FHIT: variants seen among roughly 807,000 people sequenced by gnomAD.
FHIT encodes bis(5'-adenosyl)-triphosphatase.
A neutral mutation model predicts 17.9 loss-of-function variants in FHIT; 19 were observed. The ratio of observed to expected loss-of-function variants is 1.06; its 90% CI spans 0.74 to 1.56. The LOEUF (loss-of-function observed/expected upper bound fraction) is 1.56, where lower values mean the gene tolerates loss of function less well. FHIT is among the 40% of genes most tolerant of loss of function. The pLI is 0.00. For synonymous variants in FHIT, 81 were observed against 69.7 expected (o/e 1.16, Z -0.81); for missense variants, 248 against 189.2 (o/e 1.31, Z -1.82).
chr3:60,142,017 A>T (rs1700057080), intron 5 of FHIT, among the ~76,000 whole-genome samples: 3 of 152,162 alleles, frequency 2.0e-5, no homozygotes, highest in Admixed American at 2.0e-4. Context: ...ACATGGGGGG[A>T]TAAAAAAGAA....
chr3:60,997,314 A>G (rs373934698), intron 3 of FHIT, among the ~76,000 whole-genome samples: 15 of 152,314 alleles, frequency 9.8e-5, no homozygotes, highest in African/African-American at 3.6e-4. Flanking sequence ...AGAGAAAGGT[A>G]AAGTGCTGGT....
At chr3:60,633,733 AAC>A (rs1197204658) in intron 4 of FHIT, among the ~76,000 whole-genome samples, 1 of 152,198 alleles carries the variant, frequency 6.6e-6, no homozygotes, top group Non-Finnish European at 1.5e-5. Context: ...CCTCCCCAGG[AAC>A]ACAGTTAGGC....
intron 5 of FHIT, among the ~76,000 whole-genome samples, chr3:60,346,455 G>C (rs1053644295): frequency 6.6e-6 from 1 of 152,158 alleles, no homozygotes; most frequent in African/African-American, 2.4e-5. Context: ...GAGGGAAGTG[G>C]GTGGAGCCAC....
chr3:60,213,791 C>T (rs1328349412), intron 5 of FHIT, among the ~76,000 whole-genome samples: 1 of 152,102 alleles, frequency 6.6e-6, no homozygotes, highest in Non-Finnish European at 1.5e-5. Context: ...TTGTGATCAC[C>T]TAATTAGCAG....
At chr3:59,782,067 T>C (rs753907899) in intron 8 of FHIT, among the ~76,000 whole-genome samples, 10 of 152,198 alleles carry the variant, frequency 6.6e-5, no homozygotes, top group Non-Finnish European at 1.5e-4. Context: ...TTCCAATTTA[T>C]AGTGAAGAAC....
At chr3:59,922,185 G>A (rs1250937673) in intron 8 of FHIT, among the ~76,000 whole-genome samples, 161 bp downstream of exon 8, 2 of 152,070 alleles carry the variant, frequency 1.3e-5, no homozygotes, top group Non-Finnish European at 2.9e-5. Flanking sequence ...TTCCCACGAT[G>A]GCCATTCTTG....
chr3:60,748,218 T>G lies in FHIT; in HGVS notation c.-18+73701A>C, dbSNP rs1056709524. Reference sequence around the variant, plus strand: ...GAAGGAAGTTTGCAGGCAAGGTAATTCTGTTGGGGACAAAAAAACTTTTCC... The same window carrying G: ...GAAGGAAGTTTGCAGGCAAGGTAATGCTGTTGGGGACAAAAAAACTTTTCC... On this transcript the variant is annotated intron_variant, in intron 4 of 9. Transcript: ENST00000492590. Among the ~76,000 whole-genome samples the G allele has an allele frequency of 2.0e-5, 3 of 152,270 alleles. No individual in the cohort carries two copies. The East Asian group carries it at 5.8e-4, about 29-fold the overall frequency.
chr3:60,123,991 T>A (rs1225011781), intron 5 of FHIT, among the ~76,000 whole-genome samples: 1 of 48,702 alleles, frequency 2.1e-5, no homozygotes, highest in Admixed American at 2.4e-4. Context: ...TATATATATA[T>A]ATATATATAT....
At chr3:60,418,367 T>A (rs1702328268) in intron 5 of FHIT, among the ~76,000 whole-genome samples, 1 of 64,866 alleles carries the variant, frequency 1.5e-5, no homozygotes, top group Non-Finnish European at 3.8e-5. Flanking sequence ...TATATGTATC[T>A]GAATGTGTGT....
At chr3:60,602,887 A>G (rs1425027780) in intron 4 of FHIT, among the ~76,000 whole-genome samples, 1 of 152,124 alleles carries the variant, frequency 6.6e-6, no homozygotes, top group Admixed American at 6.6e-5. Flanking sequence ...AGAAAGTACC[A>G]TCTACTCATG....
At chr3:60,243,893 A>G (rs1227681585) in intron 5 of FHIT, among the ~76,000 whole-genome samples, 1 of 152,122 alleles carries the variant, frequency 6.6e-6, no homozygotes, top group African/African-American at 2.4e-5. Context: ...TCTCTAAATT[A>G]TGTTCTGTAA....
chr3:60,353,537 G>A (rs982459458), intron 5 of FHIT, among the ~76,000 whole-genome samples: 2 of 152,038 alleles, frequency 1.3e-5, no homozygotes, highest in South Asian at 4.2e-4. Context: ...ACTCTTCTTT[G>A]TCTAATCAAT....
At chr3:59,984,537 T>C (rs184124349) in intron 7 of FHIT, among the ~76,000 whole-genome samples, 4 of 152,058 alleles carry the variant, frequency 2.6e-5, no homozygotes, top group Admixed American at 2.6e-4. Flanking sequence ...CCTGACACTT[T>C]AGGCCTACAC....
At chr3:60,759,858 A>G (rs919763438) in intron 4 of FHIT, among the ~76,000 whole-genome samples, 7 of 152,290 alleles carry the variant, frequency 4.6e-5, no homozygotes, top group Middle Eastern at 3.4e-3. Context: ...TTTGCTGTAA[A>G]TGGGAAGCAG....
chr3:61,089,870 A>G (rs2035426000), intron 2 of FHIT, among the ~76,000 whole-genome samples: 2 of 152,208 alleles, frequency 1.3e-5, no homozygotes, highest in African/African-American at 2.4e-5. Context: ...TTTTATAAAT[A>G]ATGAGTTCCA....
intron 3 of FHIT, among the ~76,000 whole-genome samples, chr3:60,861,956 A>T (rs983539228): frequency 2.6e-5 from 4 of 151,800 alleles, no homozygotes; most frequent in South Asian, 4.2e-4. Context: ...AAAAAAAAAA[A>T]AAAGGCCGGT....
chr3:60,483,929 C>G (rs890280929), intron 5 of FHIT, among the ~76,000 whole-genome samples: 2 of 152,040 alleles, frequency 1.3e-5, no homozygotes, highest in African/African-American at 4.8e-5. Context: ...TTAGAAAACC[C>G]CATCATCTCA....
intron 7 of FHIT, among the ~76,000 whole-genome samples, chr3:59,984,151 C>A (rs1212207572): frequency 6.6e-6 from 1 of 152,036 alleles, no homozygotes; most frequent in Non-Finnish European, 1.5e-5. Flanking sequence ...CCAGTAGTAG[C>A]AGGAGATATG....
intron 3 of FHIT, among the ~76,000 whole-genome samples, chr3:60,949,357 T>G (rs1708779317): frequency 6.6e-6 from 1 of 152,168 alleles, no homozygotes; most frequent in African/African-American, 2.4e-5. Context: ...CAATACTTTC[T>G]GACAGATGAG....
Sources: allele counts gnomAD v4.1 joint callset (sites outside exome capture counted in the v4.1 genomes callset), GRCh38; gene constraint gnomAD v4.1.1; transcripts MANE v1.5; gene names NCBI Gene and HGNC (gene_info 2026-07-23, HGNC 2026-07-21).